SPACA7: variants seen among roughly 807,000 people sequenced by gnomAD.
The protein encoded by SPACA7 is sperm acrosome associated 7.
A neutral mutation model predicts 26.3 loss-of-function variants in SPACA7; 19 were observed. The ratio of observed to expected loss-of-function variants is 0.72; its 90% confidence interval spans 0.50 to 1.06. The LOEUF (loss-of-function observed/expected upper bound fraction) is 1.06, where lower values mean the gene tolerates loss of function less well. Among genes scored for constraint, SPACA7 ranks in the 50% least tolerant of loss-of-function variants. The probability of loss-of-function intolerance (pLI) is 0.00; values close to 1 mark genes in which losing one functional copy is unlikely to be tolerated. For synonymous variants in SPACA7, 84 were observed against 84.5 expected (o/e 0.99, Z 0.04); for missense variants, 211 against 229.9 (o/e 0.92, Z 0.53).
intron 5 of SPACA7, among the ~76,000 whole-genome samples, chr13:112,409,306 C>G (rs1441115798): frequency 6.6e-6 from 1 of 152,290 alleles, no homozygotes; most frequent in Non-Finnish European, 1.5e-5. Context: ...TAGGCATGGG[C>G]AAGGACTTCA....
rs531379718 is a variant in SPACA7 at position 112,421,876 on chromosome 13, G to T, written c.446-10568G>T. Among the ~76,000 whole-genome samples, 6 of 152,150 alleles carry T rather than the reference G, an allele frequency of 3.9e-5. No individual in the cohort carries two copies. The East Asian group carries it at 1.2e-3, about 29-fold the overall frequency. ...ACACTGGAACAGAAAACCAAATACC[G>T]CATGTTCTGACTTATAAGTGGAAGC... is the stretch of plus-strand genomic sequence containing the variant. On this transcript the variant is annotated intron_variant, in intron 5 of 6. Transcript: ENST00000283550.
intron 5 of SPACA7, among the ~76,000 whole-genome samples, chr13:112,403,964 G>A (rs1885811339): frequency 6.6e-6 from 1 of 152,128 alleles, no homozygotes; most frequent in African/African-American, 2.4e-5. Context: ...TGGATCACAT[G>A]GTAGTTCTAC....
chr13:112,395,448 A>C (rs113758250), intron 2 of SPACA7, among the ~76,000 whole-genome samples: 1,966 of 152,046 alleles, frequency 0.013, 19 homozygotes, highest in South Asian at 0.043. Context: ...TGGCTGCTGC[A>C]GGTGTGGTTG....
In SPACA7 at chr13:112,434,629, T is replaced by A; in HGVS notation, c.*80T>A. The A allele has an allele frequency of 8.8e-7, 1 of 1,142,204 alleles. No individual in the cohort carries two copies. The highest frequency in any genetic ancestry group is 1.3e-6 in the Non-Finnish European group (1 of 775,924). The allele number at this position is 1,142,204 out of a possible 1,614,324, so 70.8% of individuals were successfully genotyped here. On this transcript the variant is annotated 3_prime_UTR_variant, in exon 7 of 7. Transcript: ENST00000283550. The stretch of plus-strand genomic sequence containing the variant: ...ACCAGCCTCCGGAACAGGGCACTTG[T>A]GTGCACACGCCCACGTTCTCTGAAC...
chr13:112,410,158 T>G (rs1253751018), intron 5 of SPACA7, among the ~76,000 whole-genome samples: 2 of 151,982 alleles, frequency 1.3e-5, no homozygotes, highest in Non-Finnish European at 2.9e-5. Context: ...TAGGTGGGAA[T>G]TGAACAATGA....
chr13:112,419,324 C>T (rs1398572071), intron 5 of SPACA7, among the ~76,000 whole-genome samples: 1 of 152,132 alleles, frequency 6.6e-6, no homozygotes, highest in African/African-American at 2.4e-5. Flanking sequence ...AGGCCCCAGG[C>T]ACAAGGGGGC....
chr13:112,415,820 A>G (rs963831602), intron 5 of SPACA7, among the ~76,000 whole-genome samples: 3 of 152,114 alleles, frequency 2.0e-5, no homozygotes, highest in Non-Finnish European at 4.4e-5. Context: ...GCAGTGAAGC[A>G]GGGCAGGACT....
chr13:112,395,505 T>C (rs2138930218), intron 2 of SPACA7, among the ~76,000 whole-genome samples: 1 of 152,260 alleles, frequency 6.6e-6, no homozygotes, highest in South Asian at 2.1e-4. Context: ...TCTCACACTC[T>C]TGCCACCCAG....
chr13:112,409,380 T>C (rs1886198550), intron 5 of SPACA7, among the ~76,000 whole-genome samples: 1 of 152,104 alleles, frequency 6.6e-6, no homozygotes, highest in South Asian at 2.1e-4. Context: ...CTAATTAAAC[T>C]AAAGAGCTTC....
intron 2 of SPACA7, among the ~76,000 whole-genome samples, chr13:112,397,155 TTCC>T (rs1195395262): frequency 3.3e-5 from 5 of 152,194 alleles, no homozygotes; most frequent in Non-Finnish European, 7.3e-5. Flanking sequence ...ACATCTTCGT[TTCC>T]AGTGGCATTT....
intron 1 of SPACA7, 72 bp downstream of exon 1, chr13:112,376,551 T>A: frequency 6.7e-7 from 1 of 1,501,808 alleles, no homozygotes; most frequent in Non-Finnish European, 9.1e-7. Flanking sequence ...TCTTCTCCCA[T>A]GGGTTCCTCT....
chr13:112,414,811 G>A (rs866314157), intron 5 of SPACA7, among the ~76,000 whole-genome samples: 6 of 152,156 alleles, frequency 3.9e-5, no homozygotes, highest in Non-Finnish European at 8.8e-5. Flanking sequence ...GTTGGCTAAT[G>A]GTGCCTTATT....
chr13:112,403,172 C>T (rs1426749258), intron 5 of SPACA7, among the ~76,000 whole-genome samples: 3 of 152,054 alleles, frequency 2.0e-5, no homozygotes, highest in Non-Finnish European at 2.9e-5. Context: ...AAAAGTGATT[C>T]TTCAGGTTTC....
intron 5 of SPACA7, among the ~76,000 whole-genome samples, chr13:112,413,036 G>T (rs570798830): frequency 2.0e-5 from 3 of 152,100 alleles, no homozygotes; most frequent in African/African-American, 7.2e-5. Context: ...TTTTTATATT[G>T]CCTATCTCTT....
chr13:112,383,175 AAGAAAGAAAGAAAGAAAGAAAAG>A lies in SPACA7; in HGVS notation c.94+6698_94+6720del, dbSNP rs1180853986. On this transcript the variant is annotated intron_variant, in intron 1 of 6. Coordinates refer to ENST00000283550, the MANE Select transcript of SPACA7 (RefSeq NM_145248.5). ...AAAGAAAGAAAGAAAGAAAGAAAGA[AAGAAAGAAAGAAAGAAAGAAAAG>A]AAAGAAAGAAAGGAAAGAAGGAAGA... is the stretch of plus-strand genomic sequence containing the variant. Among the ~76,000 whole-genome samples, 390 of 140,528 alleles carry A rather than the reference AAGAAAGAAAGAAAGAAAGAAAAG, an allele frequency of 2.8e-3. 5 individuals are homozygous for A. Among genetic ancestry groups the A allele is most frequent in the African/African-American group, 0.01 (376 of 36,236 alleles). The allele number at this position is 140,528 out of a possible 152,430, so 92.2% of individuals were successfully genotyped here.
intron 5 of SPACA7, among the ~76,000 whole-genome samples, chr13:112,431,297 A>G (rs1479339433): frequency 1.3e-5 from 2 of 152,194 alleles, no homozygotes; most frequent in Non-Finnish European, 2.9e-5. Context: ...TAGATCTGCA[A>G]CTATCCTCTC....
chr13:112,406,344 G>C (rs185067871), intron 5 of SPACA7, among the ~76,000 whole-genome samples: 1 of 152,202 alleles, frequency 6.6e-6, no homozygotes, highest in Non-Finnish European at 1.5e-5. Flanking sequence ...GGAATCACAC[G>C]GTATTTGTCC....
At position 112,413,876 on chromosome 13, in the gene SPACA7, C is replaced by T. The variant is rs577081926; in HGVS notation, c.445+12712C>T. Among the ~76,000 whole-genome samples, 10 of 152,274 alleles carry T rather than the reference C, an allele frequency of 6.6e-5. No homozygotes were observed. The South Asian group carries it at 1.5e-3, about 22-fold the overall frequency. ...ATAAAGAAAAGAGGTTTATTTGGCT[C>T]ACAGTTATGCAGGCTGTACAGGAAG... is the stretch of plus-strand genomic sequence containing the variant. On this transcript the variant is annotated intron_variant, in intron 5 of 6. Transcript: ENST00000283550.
chr13:112,380,318 T>C (rs1231084377), intron 1 of SPACA7, among the ~76,000 whole-genome samples: 3 of 144,948 alleles, frequency 2.1e-5, no homozygotes, highest in African/African-American at 5.2e-5. Context: ...GGCAGGAGAA[T>C]CACTTGGACC....
Sources: gnomAD v4.1 joint callset for allele counts (sites outside exome capture counted in the v4.1 genomes callset) on GRCh38, gnomAD v4.1.1 for gene constraint, MANE v1.5 for transcripts, NCBI Gene and HGNC (gene_info 2026-07-23, HGNC 2026-07-21) for gene names.